Variants in CELF2 observed in about 807,000 individuals in gnomAD.
The protein encoded by CELF2 is CUGBP Elav-like family member 2.
In CELF2, 8 loss-of-function variants were observed where a neutral mutation model predicts 62.6. The ratio of observed to expected loss-of-function variants is 0.13; its 90% CI spans 0.07 to 0.23. CELF2 has a LOEUF of 0.23. Among genes scored for constraint, CELF2 ranks in the 10% least tolerant of loss-of-function variants. The pLI, the probability that CELF2 is intolerant of heterozygous loss-of-function variation, is 1.00. For synonymous variants in CELF2, 258 were observed against 250.0 expected, an observed-to-expected ratio of 1.03 and a Z score of -0.30; for missense variants, 333 against 671.0, an observed-to-expected ratio of 0.50 and a Z score of 5.56.
chr10:10,805,925 T>C (rs2055179918), intron 1 of CELF2, among the ~76,000 whole-genome samples: 1 of 152,150 alleles, frequency 6.6e-6, no homozygotes. Context: ...ATCAGGCATT[T>C]AATGAGGGGC....
Position 11,330,347 on chromosome 10 carries a change from C to CTAATGACCTAAGATTT in CELF2, c.*1295_*1310dup, listed in dbSNP as rs2095980320. ...ATTATGTGAATGGCTCGGAGACTCC[C>CTAATGACCTAAGATTT]TAATGACCTAAGATTTGCATTAGTT... On this transcript the variant is annotated 3_prime_UTR_variant, in exon 13 of 13. Transcript: ENST00000633077. This position sits in a 1 kb window ranked among gnomAD's most constrained non-coding sequence, Gnocchi z 4.5. The CTAATGACCTAAGATTT allele has an allele frequency of 6.6e-6, 1 of 152,262 alleles. No individual in the cohort carries two copies. Among genetic ancestry groups the CTAATGACCTAAGATTT allele is most frequent in the Admixed American group, 6.6e-5 (1 of 15,240 alleles). The allele number at this position is 152,262 out of a possible 1,614,324, so 9.4% of individuals were successfully genotyped here.
chr10:11,224,243 T>C lies in CELF2; in HGVS notation c.354+6736T>C, dbSNP rs927631828. Among the ~76,000 whole-genome samples the C allele has an allele frequency of 3.9e-5, 6 of 152,326 alleles. No homozygotes were observed. Among genetic ancestry groups the C allele is most frequent in the African/African-American group, 1.4e-4 (6 of 41,576 alleles). On this transcript the variant is annotated intron_variant, in intron 3 of 12. Transcript: ENST00000633077. This position sits in a 1 kb window ranked among gnomAD's most constrained non-coding sequence, Gnocchi z 4.5. ...CAGCTATATCCCTAATTAATAGGAC[T>C]GTTGCCAGGGCTTGTGTGAGAAAGT...
At chr10:10,800,634 A>G (rs920443580) in intron 1 of CELF2, among the ~76,000 whole-genome samples, 2 of 152,078 alleles carry the variant, frequency 1.3e-5, no homozygotes, top group East Asian at 3.8e-4. Context: ...TCCACTCCTT[A>G]ATTTGTACTA....
chr10:10,514,764 G>T, the CELF2 span, among the ~76,000 whole-genome samples: 6 of 152,112 alleles, frequency 3.9e-5, no homozygotes, highest in African/African-American at 9.7e-5. Flanking sequence ...GCTTTTAGGG[G>T]CCTCCTCTGA....
At chr10:10,511,630 G>A in the CELF2 span, among the ~76,000 whole-genome samples, 1 of 152,100 alleles carries the variant, frequency 6.6e-6, no homozygotes, top group Non-Finnish European at 1.5e-5. Flanking sequence ...GTGGATATCA[G>A]TATAGCTTCA....
the CELF2 span, among the ~76,000 whole-genome samples, chr10:10,518,226 T>G: frequency 2.6e-5 from 4 of 152,010 alleles, no homozygotes; most frequent in Admixed American, 6.6e-5. Flanking sequence ...CTTTGTTTAT[T>G]TCCCTAATGT....
chr10:10,594,496 G>A, the CELF2 span, among the ~76,000 whole-genome samples: 1 of 152,176 alleles, frequency 6.6e-6, no homozygotes, highest in Admixed American at 6.5e-5. Context: ...GCTCAGAGAA[G>A]AGCCCAGAAG....
At position 11,244,652 on chromosome 10, in the gene CELF2, C is replaced by T. The variant is rs561585228; in HGVS notation, c.355-4501C>T. Reference sequence around the variant, plus strand: ...CCAGCCTAGGTGACAGAGCAAGACTCCGTCTCAAAAAAAAAAAAACAGCAT... The same window carrying T: ...CCAGCCTAGGTGACAGAGCAAGACTTCGTCTCAAAAAAAAAAAAACAGCAT... On this transcript the variant is annotated intron_variant, in intron 3 of 12. Coordinates refer to ENST00000633077, the MANE Select transcript of CELF2 (RefSeq NM_001326342.2). The surrounding 1 kb of genome is among the most constrained non-coding windows in gnomAD (Gnocchi z 4.2). Among the ~76,000 whole-genome samples the T allele has an allele frequency of 0.016, 1,548 of 97,328 alleles. 33 individuals are homozygous for T. The highest frequency in any genetic ancestry group is 0.052 in the African/African-American group (1,480 of 28,558). The allele number at this position is 97,328 out of a possible 152,430, so 63.9% of individuals were successfully genotyped here. A position where few individuals can be genotyped will look rare whatever the true frequency, so the allele number is the denominator to read the frequency against.
chr10:10,483,449 A>G, the CELF2 span, among the ~76,000 whole-genome samples: 1 of 152,222 alleles, frequency 6.6e-6, no homozygotes, highest in East Asian at 1.9e-4. Flanking sequence ...ATGTAAATAC[A>G]TGATTAGTCT....
chr10:11,098,444 A>G lies in CELF2; in HGVS notation c.75-67042A>G, dbSNP rs1413883688. 2.0e-5 allele frequency: 3 copies of G among 152,116 alleles called. No individual in the cohort carries two copies. Among genetic ancestry groups the G allele is most frequent in the East Asian group, 3.9e-4 (2 of 5,180 alleles). 9.4% of individuals were successfully genotyped at this position (152,116 alleles called of 1,614,324 possible). A position where few individuals can be genotyped will look rare whatever the true frequency, so the allele number is the denominator to read the frequency against. ...CACATTGACGTGAGCTCAAACCCCC[A>G]TGTACTGCAGAGGGATAACAGTTCT... On this transcript the variant is annotated intron_variant, in intron 1 of 12. Transcript: ENST00000633077. The surrounding 1 kb of genome is among the most constrained non-coding windows in gnomAD (Gnocchi z 4.0).
chr10:10,903,164 T>C (rs2063070294), intron 1 of CELF2, among the ~76,000 whole-genome samples: 1 of 152,196 alleles, frequency 6.6e-6, no homozygotes, highest in African/African-American at 2.4e-5. Flanking sequence ...ATCAGCTAAG[T>C]GACCTGTTCC....
chr10:10,763,412 A>C, the CELF2 span, among the ~76,000 whole-genome samples: 1 of 152,084 alleles, frequency 6.6e-6, no homozygotes, highest in Admixed American at 6.5e-5. Context: ...TGTAATTATG[A>C]GATGGAGGCC....
the CELF2 span, among the ~76,000 whole-genome samples, chr10:10,507,212 G>T: frequency 2.0e-5 from 3 of 151,974 alleles, no homozygotes; most frequent in African/African-American, 4.8e-5. Context: ...TGAAAAACTG[G>T]CTGTTGTTAC....
rs9783215 is a variant in CELF2 at position 11,223,393 on chromosome 10, C to T, written c.354+5886C>T. Among the ~76,000 whole-genome samples the T allele has an allele frequency of 0.067, 10,142 of 152,260 alleles. 505 individuals carry two copies. The highest frequency in any genetic ancestry group is 0.14 in the African/African-American group (5,821 of 41,502). On this transcript the variant is annotated intron_variant, in intron 3 of 12. Coordinates refer to ENST00000633077, the MANE Select transcript of CELF2 (RefSeq NM_001326342.2). The surrounding 1 kb of genome is among the most constrained non-coding windows in gnomAD (Gnocchi z 5.1). The stretch of plus-strand genomic sequence containing the variant: ...CGTATTCCACACATGTATTCTGCTG[C>T]GGAATGTGTCAGTCAGGACATCCAT...
At chr10:11,219,438 A>G (rs190568307) in intron 3 of CELF2, among the ~76,000 whole-genome samples, 1 of 152,332 alleles carries the variant, frequency 6.6e-6, no homozygotes, top group East Asian at 1.9e-4. Flanking sequence ...ACCCACTGTC[A>G]AGGACAATAA....
At chr10:10,679,402 G>A in the CELF2 span, among the ~76,000 whole-genome samples, 21 of 152,086 alleles carry the variant, frequency 1.4e-4, no homozygotes, top group African/African-American at 4.6e-4. Context: ...CCATTCTCCC[G>A]CCTCAGCCTC....
At chr10:11,181,008 T>C (rs1328797468) in intron 2 of CELF2, among the ~76,000 whole-genome samples, 1 of 152,208 alleles carries the variant, frequency 6.6e-6, no homozygotes, top group Non-Finnish European at 1.5e-5. Context: ...TAACTGGGAC[T>C]ACAGGTGGCT....
intron 1 of CELF2, among the ~76,000 whole-genome samples, chr10:11,128,734 C>T (rs542144548): frequency 1.2e-3 from 187 of 152,086 alleles, no homozygotes; most frequent in Admixed American, 5.9e-3. Context: ...TTTTGTATCC[C>T]GAGACTTTGC....
chr10:11,299,068 G>A (rs1178505197), intron 9 of CELF2, among the ~76,000 whole-genome samples: 2 of 152,212 alleles, frequency 1.3e-5, no homozygotes, highest in African/African-American at 4.8e-5. Flanking sequence ...AGGGAACGGG[G>A]AACTTTCTAC....
Sources: gnomAD v4.1 joint callset for allele counts (sites outside exome capture counted in the v4.1 genomes callset) on GRCh38, gnomAD v4.1.1 for gene constraint, Gnocchi (gnomAD v3.1) non-coding constraint, MANE v1.5 for transcripts, NCBI Gene and HGNC (gene_info 2026-07-23, HGNC 2026-07-21) for gene names.